DAB1: variants seen among roughly 807,000 people sequenced by gnomAD.
DAB1 encodes the protein disabled homolog 1.
DAB1 carries 15 observed loss-of-function variants against 64.6 expected under a neutral mutation model. The observed-to-expected ratio is 0.23, with a 90% CI of 0.16 to 0.36. The LOEUF is 0.36. DAB1 is among the 10% of genes least tolerant of loss of function. The pLI is 1.00. For synonymous variants in DAB1, 235 were observed against 251.9 expected (o/e 0.93, Z 0.64); for missense variants, 596 against 706.7 (o/e 0.84, Z 1.78).
intron 1 of DAB1, among the ~76,000 whole-genome samples, chr1:57,879,866 A>C (rs1292224947): frequency 2.0e-5 from 3 of 152,146 alleles, no homozygotes; most frequent in Non-Finnish European, 1.5e-5. Flanking sequence ...TCCCCATCAC[A>C]AAAGCCCAAA....
chr1:57,705,417 C>T (rs1646955640), intron 6 of DAB1, among the ~76,000 whole-genome samples: 1 of 152,128 alleles, frequency 6.6e-6, no homozygotes, highest in Non-Finnish European at 1.5e-5. Context: ...CATATGGCTA[C>T]TAATAACTAT....
At chr1:58,139,922 A>T (rs1410302432) in intron 5 of DAB1, among the ~76,000 whole-genome samples, 1 of 152,168 alleles carries the variant, frequency 6.6e-6, no homozygotes, top group African/African-American at 2.4e-5. Flanking sequence ...CTATATTATT[A>T]AATAAGATAC....
At chr1:58,437,458 A>G (rs1644957547) in intron 3 of DAB1, among the ~76,000 whole-genome samples, 1 of 152,126 alleles carries the variant, frequency 6.6e-6, no homozygotes, top group Admixed American at 6.5e-5. Context: ...TGCCACTTTC[A>G]ACATGCCATC....
At chr1:58,306,208 C>T (rs1419808303) in intron 4 of DAB1, among the ~76,000 whole-genome samples, 1 of 151,448 alleles carries the variant, frequency 6.6e-6, no homozygotes, top group Non-Finnish European at 1.5e-5. Context: ...TCTGTGGGTT[C>T]CTTAAGGAGC....
At chr1:58,170,163 C>T (rs1469329324) in intron 4 of DAB1, among the ~76,000 whole-genome samples, 1 of 152,158 alleles carries the variant, frequency 6.6e-6, no homozygotes. Context: ...AGCAAGCCAT[C>T]CCCAGTATGG....
chr1:58,045,222 G>C (rs1310737986), intron 5 of DAB1, among the ~76,000 whole-genome samples: 1 of 152,198 alleles, frequency 6.6e-6, no homozygotes, highest in Non-Finnish European at 1.5e-5. Context: ...GTCAGGGCTG[G>C]CAGCGGGAAG....
At chr1:58,495,290 G>T (rs952680147) in intron 3 of DAB1, among the ~76,000 whole-genome samples, 2 of 151,938 alleles carry the variant, frequency 1.3e-5, no homozygotes, top group East Asian at 3.9e-4. Context: ...GAGGAGGGAG[G>T]GATAGCATTA....
chr1:57,363,898 C>T (rs940910958), intron 1 of DAB1, among the ~76,000 whole-genome samples: 3 of 152,166 alleles, frequency 2.0e-5, no homozygotes, highest in African/African-American at 4.8e-5. Flanking sequence ...TCACCCCATC[C>T]TATATTCATT....
At chr1:57,019,334 G>T (rs958800317) in intron 11 of DAB1, among the ~76,000 whole-genome samples, 3 of 151,982 alleles carry the variant, frequency 2.0e-5, no homozygotes, top group Admixed American at 6.6e-5. Context: ...TTGGTGGCAG[G>T]TTTTTTTTCC....
intron 1 of DAB1, among the ~76,000 whole-genome samples, chr1:57,874,502 A>G (rs1644010088): frequency 6.6e-6 from 1 of 152,170 alleles, no homozygotes; most frequent in African/African-American, 2.4e-5. Flanking sequence ...TCCTCAGAGC[A>G]GTTAACAAGC....
At chr1:58,381,312 GA>G (rs964958959) in intron 3 of DAB1, among the ~76,000 whole-genome samples, 1 of 148,020 alleles carries the variant, frequency 6.8e-6, no homozygotes, top group African/African-American at 2.5e-5. Context: ...AATAAAAGTT[GA>G]AAAAAAAAAG....
At chr1:58,125,274 A>C (rs1348392447) in intron 5 of DAB1, among the ~76,000 whole-genome samples, 1 of 152,108 alleles carries the variant, frequency 6.6e-6, no homozygotes, top group Non-Finnish European at 1.5e-5. Context: ...AAAAACATAA[A>C]TTTTGGTTCA....
chr1:57,706,801 G>A (rs1029447689), intron 6 of DAB1, among the ~76,000 whole-genome samples: 9 of 151,978 alleles, frequency 5.9e-5, no homozygotes, highest in South Asian at 4.1e-4. Flanking sequence ...GGCCGGGCGC[G>A]GTGGCTCACA....
At chr1:58,500,822 T>G (rs1157003625) in intron 3 of DAB1, among the ~76,000 whole-genome samples, 1 of 152,204 alleles carries the variant, frequency 6.6e-6, no homozygotes, top group Non-Finnish European at 1.5e-5. Flanking sequence ...AAATTCAGTC[T>G]AAATGTTTTC....
chr1:57,378,189 ACT>A (rs1306101842), intron 1 of DAB1, among the ~76,000 whole-genome samples: 3 of 151,942 alleles, frequency 2.0e-5, no homozygotes, highest in Non-Finnish European at 4.4e-5. Flanking sequence ...CAAACCTCCA[ACT>A]CTCTCAAGAG....
rs537797802 is a variant in DAB1, at chr1:57,747,681, G to A, written n.552-98016C>T. On this transcript the variant is annotated intron_variant and non_coding_transcript_variant, in intron 6 of 20. Coordinates refer to the DAB1 transcript ENST00000485760. ...AAAATTAGCCGGGATTGGTGGAAGGGGCCTGCAGTCCCAGTTACTTGGGAG... is the reference window on the plus strand; with the variant it reads ...AAAATTAGCCGGGATTGGTGGAAGGAGCCTGCAGTCCCAGTTACTTGGGAG... Among the ~76,000 whole-genome samples, 24 of 151,518 alleles carry A rather than the reference G, an allele frequency of 1.6e-4. No homozygotes were observed. The East Asian group carries it at 3.7e-3, about 23-fold the overall frequency.
chr1:58,524,238 C>T (rs1646314846), intron 2 of DAB1, among the ~76,000 whole-genome samples: 1 of 152,168 alleles, frequency 6.6e-6, no homozygotes, highest in Admixed American at 6.6e-5. Context: ...GCATTAAAAA[C>T]CTGTTCCGGC....
intron 3 of DAB1, among the ~76,000 whole-genome samples, chr1:58,367,034 G>T (rs930994379): frequency 2.0e-5 from 3 of 151,912 alleles, no homozygotes; most frequent in Admixed American, 2.0e-4. Context: ...TTTCTTAAAG[G>T]CATGAAAATA....
intron 3 of DAB1, among the ~76,000 whole-genome samples, chr1:58,465,409 C>T (rs918219346): frequency 1.3e-5 from 2 of 152,194 alleles, no homozygotes; most frequent in African/African-American, 2.4e-5. Flanking sequence ...ATCGTCCTCA[C>T]CCCCGCAGGA....
Sources: allele counts gnomAD v4.1 joint callset (sites outside exome capture counted in the v4.1 genomes callset), GRCh38; gene constraint gnomAD v4.1.1; transcripts MANE v1.5; gene names NCBI Gene and HGNC (gene_info 2026-07-23, HGNC 2026-07-21).